NIPSNAP3A: variants seen among roughly 807,000 people sequenced by gnomAD.
NIPSNAP3A encodes nipsnap homolog 3A.
In NIPSNAP3A, 27 loss-of-function variants were observed where a neutral mutation model predicts 32.3. That is an observed-to-expected ratio of 0.84 (90% CI 0.62 to 1.15). The LOEUF (loss-of-function observed/expected upper bound fraction) is 1.15, where lower values mean the gene tolerates loss of function less well. Among genes scored for constraint, NIPSNAP3A ranks in the 50% most tolerant of loss-of-function variants. NIPSNAP3A has a pLI of 0.00. For missense variants in NIPSNAP3A, 278 were observed against 297.2 expected (o/e 0.94, Z 0.48); for synonymous variants, 108 against 107.3 (o/e 1.01, Z -0.04).
chr9:104,748,319 G>A (rs1033761552), intron 1 of NIPSNAP3A, among the ~76,000 whole-genome samples: 1 of 152,164 alleles, frequency 6.6e-6, no homozygotes, highest in Admixed American at 6.5e-5. Flanking sequence ...CGCTTGCCAC[G>A]GAACCGGCCT....
intron 1 of NIPSNAP3A, among the ~76,000 whole-genome samples, chr9:104,749,629 C>T (rs1476979610): frequency 6.6e-6 from 1 of 151,992 alleles, no homozygotes; most frequent in Non-Finnish European, 1.5e-5. Context: ...ATCACGAATG[C>T]CTGTGTGTAT....
At chr9:104,752,835 A>G in intron 2 of NIPSNAP3A, 71 bp from the exon 3 acceptor site, 2 of 1,346,834 alleles carry the variant, frequency 1.5e-6, no homozygotes, top group Admixed American at 3.5e-5. Context: ...GCTGATGTGA[A>G]TGAAACCCAG....
intron 2 of NIPSNAP3A, among the ~76,000 whole-genome samples, chr9:104,752,398 G>A (rs1415937813): frequency 1.3e-5 from 2 of 152,076 alleles, no homozygotes; most frequent in Non-Finnish European, 2.9e-5. Context: ...TTGATTCAGG[G>A]TGTATCTGAA....
At chr9:104,755,137 A>G (rs1232547368) in intron 4 of NIPSNAP3A, among the ~76,000 whole-genome samples, 1 of 151,966 alleles carries the variant, frequency 6.6e-6, no homozygotes, top group Non-Finnish European at 1.5e-5. Flanking sequence ...GCTATTCTGG[A>G]GGCTGAGGCA....
rs1588158798 is a variant in NIPSNAP3A, at chr9:104,747,933, C to G, written c.60+81C>G. The G allele has an allele frequency of 4.5e-6, 6 of 1,334,894 alleles. No individual in the cohort carries two copies. The East Asian group carries it at 1.5e-4, about 32-fold the overall frequency. The allele number at this position is 1,334,894 out of a possible 1,614,324, so 82.7% of individuals were successfully genotyped here. ...GGGGAGTGTTCCGGGTACGTGCGAG[C>G]AATGCGCATGCGCTCTCCGCCACGC... On this transcript the variant is annotated intron_variant, in intron 1 of 5. Transcript: ENST00000374767.
Position 104,759,165 on chromosome 9 carries a change from G to A in NIPSNAP3A, c.661G>A (p.Ala221Thr). ...GTCCCATGAGGATCCCAGAGTTGTG[G>A]CAGCTGGTAAGCTGTTTGACTAGGC... ...HKSHEDPRVV[A>T]AVRESVNYLV... The change falls in exon 5 of 6, where the codon GCA (alanine) becomes ACA (threonine). Residue 221 changes from alanine (A) to threonine (T), a missense_variant. Physicochemically the swap from Ala to Thr is moderately conservative, Grantham distance 58 (BLOSUM62 0). Coordinates refer to ENST00000374767, the MANE Select transcript of NIPSNAP3A (RefSeq NM_015469.3). 1 of 1,613,606 alleles carries A rather than the reference G, an allele frequency of 6.2e-7. No homozygotes were observed. Among genetic ancestry groups the A allele is most frequent in the Non-Finnish European group, 8.5e-7 (1 of 1,179,714 alleles).
chr9:104,754,470 T>C, intron 3 of NIPSNAP3A, 81 bp from the exon 4 acceptor site: 3 of 1,134,012 alleles, frequency 2.6e-6, no homozygotes, highest in South Asian at 1.3e-5. Flanking sequence ...TGTGTGTAGA[T>C]AGTGAAAGAC....
chr9:104,759,565 T>G lies in NIPSNAP3A; in HGVS notation c.*227T>G. Reference sequence around the variant, plus strand: ...TTCAGTGTCTGTCATACATTAAAAATACTTGTCACTGTTTTAAGATCTTGA... The same window carrying G: ...TTCAGTGTCTGTCATACATTAAAAAGACTTGTCACTGTTTTAAGATCTTGA... On this transcript the variant is annotated 3_prime_UTR_variant, in exon 6 of 6. Coordinates refer to ENST00000374767, the MANE Select transcript of NIPSNAP3A (RefSeq NM_015469.3). 1 of 521,664 alleles carries G rather than the reference T, an allele frequency of 1.9e-6. No homozygotes were observed. The highest frequency in any genetic ancestry group is 3.4e-5 in the East Asian group (1 of 29,496). The allele number at this position is 521,664 out of a possible 1,614,324, so 32.3% of individuals were successfully genotyped here. A position where few individuals can be genotyped will look rare whatever the true frequency, so the allele number is the denominator to read the frequency against.
intron 1 of NIPSNAP3A, among the ~76,000 whole-genome samples, chr9:104,749,208 T>A (rs901066552): frequency 6.6e-6 from 1 of 152,226 alleles, no homozygotes; most frequent in African/African-American, 2.4e-5. Flanking sequence ...ATAATAATTT[T>A]GAAATTATGG....
intron 1 of NIPSNAP3A, among the ~76,000 whole-genome samples, chr9:104,750,661 C>T (rs1827838007): frequency 6.6e-6 from 1 of 152,220 alleles, no homozygotes; most frequent in Non-Finnish European, 1.5e-5. Context: ...AACCAGGGCC[C>T]TTGAGCCACT....
intron 2 of NIPSNAP3A, 121 bp downstream of exon 2, chr9:104,751,287 G>A: frequency 1.1e-6 from 1 of 888,408 alleles, no homozygotes; most frequent in Admixed American, 2.0e-5. Context: ...GATACATACA[G>A]GTTAACTAAG....
chr9:104,750,032 A>C (rs1170103549), intron 1 of NIPSNAP3A, among the ~76,000 whole-genome samples: 1 of 152,170 alleles, frequency 6.6e-6, no homozygotes, highest in African/African-American at 2.4e-5. Flanking sequence ...TCAGTGGTTT[A>C]CTTCATTGAA....
At chr9:104,755,929 A>G (rs571081849) in intron 4 of NIPSNAP3A, among the ~76,000 whole-genome samples, 2 of 152,230 alleles carry the variant, frequency 1.3e-5, no homozygotes, top group East Asian at 3.9e-4. Flanking sequence ...CTTAAAAAAA[A>G]AAAGTAACGA....
At chr9:104,750,719 G>C (rs138268538) in intron 1 of NIPSNAP3A, among the ~76,000 whole-genome samples, 3 of 152,240 alleles carry the variant, frequency 2.0e-5, no homozygotes, top group African/African-American at 7.2e-5. Flanking sequence ...ATTTTCAATA[G>C]ATCTCTGCTT....
At chr9:104,757,088 C>A (rs1213806365) in intron 4 of NIPSNAP3A, among the ~76,000 whole-genome samples, 2 of 152,162 alleles carry the variant, frequency 1.3e-5, no homozygotes, top group East Asian at 3.8e-4. Flanking sequence ...AGCCACTACA[C>A]CTAGCCTCTA....
chr9:104,755,512 T>G (rs1269753422), intron 4 of NIPSNAP3A, among the ~76,000 whole-genome samples: 2 of 152,036 alleles, frequency 1.3e-5, no homozygotes, highest in Non-Finnish European at 2.9e-5. Flanking sequence ...TGGATATAAA[T>G]TTATTTAATA....
At chr9:104,751,846 G>A (rs1188082982) in intron 2 of NIPSNAP3A, among the ~76,000 whole-genome samples, 1 of 152,132 alleles carries the variant, frequency 6.6e-6, no homozygotes, top group Non-Finnish European at 1.5e-5. Flanking sequence ...ACCTACGCCT[G>A]GTTTAGTAGA....
At chr9:104,753,161 A>C in intron 3 of NIPSNAP3A, 97 bp downstream of exon 3, 1 of 1,004,672 alleles carries the variant, frequency 1.0e-6, no homozygotes. Context: ...AAATAAAATT[A>C]ATTCTTTGTT....
chr9:104,754,025 T>G (rs1827877221), intron 3 of NIPSNAP3A: 1 of 153,182 alleles, frequency 6.5e-6, no homozygotes, highest in African/African-American at 2.4e-5. Context: ...ACCATCTCTT[T>G]AGGTTTGTCT....
Sources: allele counts gnomAD v4.1 joint callset (sites outside exome capture counted in the v4.1 genomes callset), GRCh38; gene constraint gnomAD v4.1.1; transcripts MANE v1.5; gene names NCBI Gene and HGNC (gene_info 2026-07-23, HGNC 2026-07-21).